EP400: variants seen among roughly 807,000 people sequenced by gnomAD.
EP400 encodes E1A binding protein p400.
A neutral mutation model predicts 354.1 loss-of-function variants in EP400; 105 were observed. That is an observed-to-expected ratio of 0.30 (90% confidence interval 0.25 to 0.35). The LOEUF (loss-of-function observed/expected upper bound fraction) is 0.35. Ranked by LOEUF, EP400 falls within the 10% of genes least tolerant of loss-of-function variation. EP400 has a pLI of 1.00. For missense variants in EP400, 3,280 were observed against 4,121.0 expected (o/e 0.80, Z 5.59); for synonymous variants, 1,646 against 1,716.9 (o/e 0.96, Z 1.02).
chr12:131,955,158 G>A (rs1593306460), intron 1 of EP400, among the ~76,000 whole-genome samples: 1 of 152,114 alleles, frequency 6.6e-6, no homozygotes, highest in Admixed American at 6.5e-5. Context: ...TTTGAGAAGT[G>A]TTATTTTAGA....
intron 13 of EP400, 103 bp downstream of exon 13, chr12:132,005,287 A>C: frequency 1.3e-6 from 1 of 760,230 alleles, no homozygotes; most frequent in Non-Finnish European, 2.0e-6. Context: ...GTTTGATAAA[A>C]TAAAAAATTA....
Position 132,038,142 on chromosome 12 carries a change from G to A in EP400, c.6207+46G>A, listed in dbSNP as rs373499319. The A allele has an allele frequency of 4.0e-5, 64 of 1,609,246 alleles. No homozygotes were observed. Among genetic ancestry groups the A allele is most frequent in the Non-Finnish European group, 5.1e-5 (60 of 1,177,002 alleles). Reference sequence around the variant, plus strand: ...GCTGAAGAGTTGCACGGTGGGAGCCGGCGGAACACCTGCACCCTCCCCCAG... The same window carrying A: ...GCTGAAGAGTTGCACGGTGGGAGCCAGCGGAACACCTGCACCCTCCCCCAG... On this transcript the variant is annotated intron_variant, in intron 32 of 52. Transcript: ENST00000389561. The surrounding 1 kb of genome is among the most constrained non-coding windows in gnomAD (Gnocchi z 4.2).
chr12:132,017,325 G>A lies in EP400; in HGVS notation c.3924-210G>A, dbSNP rs1003728315. 3.3e-5 allele frequency among the ~76,000 whole-genome samples: 5 copies of A among 152,296 alleles called. No homozygotes were observed. The highest frequency in any genetic ancestry group is 2.1e-4 in the South Asian group (1 of 4,822). ...GTCTTTCCGTCAGCTCTGGTGGGGC[G>A]GATGTCATTCTCAATGGGGATGGCG... On this transcript the variant is annotated intron_variant, in intron 19 of 52. Coordinates refer to ENST00000389561, the MANE Select transcript of EP400 (RefSeq NM_015409.5). The surrounding 1 kb of genome is among the most constrained non-coding windows in gnomAD (Gnocchi z 5.0).
intron 45 of EP400, among the ~76,000 whole-genome samples, chr12:132,055,703 G>GGT (rs372491957): frequency 1.0e-4 from 13 of 124,462 alleles, no homozygotes; most frequent in East Asian, 8.0e-4. Context: ...GAAGTGTAGG[G>GGT]GTGTGTGTGT....
At chr12:132,049,114 G>A (rs574115037) in intron 39 of EP400, among the ~76,000 whole-genome samples, 3 of 152,326 alleles carry the variant, frequency 2.0e-5, no homozygotes, top group East Asian at 3.9e-4. Context: ...GACAGTGGTC[G>A]GATGTGTGCG....
rs1241083663 is a variant in EP400, at chr12:131,960,847, G to A, written c.228G>A (p.Leu76=). The change falls in exon 2 of 53, where the codon CTG becomes CTA. Residue 76 remains leucine (L), a synonymous_variant. Coordinates refer to ENST00000389561, the MANE Select transcript of EP400 (RefSeq NM_015409.5). The part of the protein sequence containing the change: ...PATGQNVNIT[L]QSVGPVVGGN... ...CCGGGCAGAACGTGAACATCACCCT[G>A]CAGAGCGTGGGCCCTGTCGTCGGGG... 1 of 1,613,794 alleles carries A rather than the reference G, an allele frequency of 6.2e-7. No individual in the cohort carries two copies. The highest frequency in any genetic ancestry group is 1.3e-5 in the African/African-American group (1 of 74,886).
At position 132,053,480 on chromosome 12, in the gene EP400, A is replaced by C; in HGVS notation, c.7611A>C (p.Ala2537=). ...QPQAAGSQPP[A]GPPAVQPQPQ... is the part of the protein sequence containing the mutation. ...AGGCAGCGGGCAGCCAGCCGCCAGC[A>C]GGGCCACCAGCTGTCCAGCCCCAAC... Residue 2537 remains alanine (A), a synonymous_variant, in exon 43 of 53, where the codon GCA becomes GCC. Transcript: ENST00000389561. 1 of 1,526,982 alleles carries C rather than the reference A, an allele frequency of 6.5e-7. No homozygotes were observed. The highest frequency in any genetic ancestry group is 8.7e-7 in the Non-Finnish European group (1 of 1,143,258). 94.6% of individuals were successfully genotyped at this position (1,526,982 alleles called of 1,614,324 possible).
chr12:131,961,650 T>A lies in EP400; in HGVS notation c.1031T>A (p.Met344Lys). Residue 344 changes from methionine to lysine, a missense_variant, in exon 2 of 53, where the codon ATG (methionine) becomes AAG (lysine). This residue lies in a region of EP400 where 85 missense variants were observed against 180.3 expected (regional missense o/e 0.47). Coordinates refer to ENST00000389561, the MANE Select transcript of EP400 (RefSeq NM_015409.5). Reference protein sequence around the residue: ...LPLTSVGNTGMKKVPKKLEEI... With the variant: ...LPLTSVGNTGKKKVPKKLEEI... ...CTCACGTCTGTGGGGAACACGGGAA[T>A]GAAGAAGGTTCCCAAGAAGTTAGAG... 2 of 1,605,608 alleles carry A rather than the reference T, an allele frequency of 1.2e-6. No homozygotes were observed. The highest frequency in any genetic ancestry group is 1.1e-5 in the South Asian group (1 of 90,226).
At chr12:131,951,869 C>T (rs1372296329) in intron 1 of EP400, among the ~76,000 whole-genome samples, 3 of 151,986 alleles carry the variant, frequency 2.0e-5, no homozygotes, top group African/African-American at 7.2e-5. Flanking sequence ...CTCCGCCTCC[C>T]GGGTTCAAGC....
intron 52 of EP400, among the ~76,000 whole-genome samples, chr12:132,077,126 C>T (rs1896260917): frequency 6.6e-6 from 1 of 152,212 alleles, no homozygotes; most frequent in Non-Finnish European, 1.5e-5. Context: ...CTATTAAAAG[C>T]TTTACTACAA....
At chr12:131,982,007 G>C in intron 4 of EP400, 86 bp from the exon 5 acceptor site, 2 of 1,463,956 alleles carry the variant, frequency 1.4e-6, no homozygotes, top group Non-Finnish European at 1.8e-6. Context: ...CAAGCACTGG[G>C]GTGTTAGACG....
chr12:132,036,170 AAC>A (rs1323828052), intron 30 of EP400, among the ~76,000 whole-genome samples: 2 of 121,060 alleles, frequency 1.7e-5, no homozygotes, highest in African/African-American at 6.4e-5. Flanking sequence ...ATCATGGAAC[AAC>A]ACACCCAGGT....
intron 47 of EP400, among the ~76,000 whole-genome samples, chr12:132,063,714 G>T (rs1895785973): frequency 6.6e-6 from 1 of 152,126 alleles, no homozygotes. Flanking sequence ...TCAGCTGAGG[G>T]CCCCTCCTGG....
Position 131,990,168 on chromosome 12 carries a change from C to G in EP400, c.2550+64C>G. On this transcript the variant is annotated intron_variant, in intron 8 of 52. Coordinates refer to ENST00000389561, the MANE Select transcript of EP400 (RefSeq NM_015409.5). This position sits in a 1 kb window ranked among gnomAD's most constrained non-coding sequence, Gnocchi z 4.2. ...CTGTCGGAGCTGGTGAGGCCACTTCCCGAGACCAGAGCTCGGGCACCTTGC... is the reference window on the plus strand; with the variant it reads ...CTGTCGGAGCTGGTGAGGCCACTTCGCGAGACCAGAGCTCGGGCACCTTGC... 6.5e-7 allele frequency: 1 copy of G among 1,543,834 alleles called. No homozygotes were observed. The highest frequency in any genetic ancestry group is 8.7e-7 in the Non-Finnish European group (1 of 1,149,422).
At chr12:132,019,384 T>G (rs1399585120) in intron 21 of EP400, among the ~76,000 whole-genome samples, 1 of 152,118 alleles carries the variant, frequency 6.6e-6, no homozygotes, top group African/African-American at 2.4e-5. Context: ...TTACATTGTA[T>G]AGGGGTTTTG....
intron 47 of EP400, among the ~76,000 whole-genome samples, chr12:132,063,466 A>T (rs1045693295): frequency 6.6e-6 from 1 of 152,128 alleles, no homozygotes. Context: ...GTGCCACTGC[A>T]CTCCAGCCTG....
rs769025591 is a variant in EP400, at chr12:131,986,568, C to T, written c.1984C>T (p.Leu662=). ...VDPAPPCPRP[L]PTSSTSSLAP... is the part of the protein sequence containing the mutation. ...CCCTGCCCCGCCCTGCCCACGGCCT[C>T]TGCCCACCTCTTCTACCTCGTCCCT... The change falls in exon 6 of 53, where the codon CTG becomes TTG. Residue 662 remains leucine, a synonymous_variant. Coordinates refer to ENST00000389561, the MANE Select transcript of EP400 (RefSeq NM_015409.5). 1 of 1,614,066 alleles carries T rather than the reference C, an allele frequency of 6.2e-7. No individual in the cohort carries two copies. The highest frequency in any genetic ancestry group is 2.2e-5 in the East Asian group (1 of 44,878).
rs774229662 is a variant in EP400 at position 132,062,379 on chromosome 12, G to T, written c.8098+56G>T. ...CACGTCTGCTCTGGCGCGTGTGAGG[G>T]CTCAGCTGCTGCTTGCTGTCTGAGA... On this transcript the variant is annotated intron_variant, in intron 46 of 52. Coordinates refer to ENST00000389561, the MANE Select transcript of EP400 (RefSeq NM_015409.5). 9.3e-6 allele frequency: 15 copies of T among 1,610,444 alleles called. No homozygotes were observed. The Middle Eastern group carries it at 4.9e-4, about 53-fold the overall frequency.
In EP400 at chr12:132,013,546, G is replaced by C; in HGVS notation, c.3668G>C (p.Trp1223Ser). 6.2e-7 allele frequency: 1 copy of C among 1,611,878 alleles called. No homozygotes were observed. The highest frequency in any genetic ancestry group is 8.5e-7 in the Non-Finnish European group (1 of 1,179,044). Residue 1223 changes from tryptophan to serine, a missense_variant, in exon 18 of 53, where the codon TGG becomes TCG. By Grantham distance (177) the Trp-to-Ser change is radical. Around this residue, in one of 20 missense-constraint regions of EP400, gnomAD observed 242 missense variants for 357.9 expected, o/e 0.68. Transcript: ENST00000389561. The surrounding 1 kb of genome is among the most constrained non-coding windows in gnomAD (Gnocchi z 4.5). Reference protein sequence around the residue: ...SPLHNTFLELWTMVHFLVPGI... With the variant: ...SPLHNTFLELSTMVHFLVPGI... Reference sequence around the variant, plus strand: ...CTGCACAATACCTTCCTGGAGCTCTGGACCATGGTGCACTTCCTGGTCCCA... The same window carrying C: ...CTGCACAATACCTTCCTGGAGCTCTCGACCATGGTGCACTTCCTGGTCCCA...
Sources: gnomAD v4.1 joint callset for allele counts (sites outside exome capture counted in the v4.1 genomes callset) on GRCh38, gnomAD v4.1.1 for gene constraint, gnomAD v4.1.1 regional missense constraint, Gnocchi (gnomAD v3.1) non-coding constraint, MANE v1.5 for transcripts, NCBI Gene and HGNC (gene_info 2026-07-23, HGNC 2026-07-21) for gene names.